Variants in CDK14 observed in about 807,000 individuals in gnomAD.
The protein encoded by CDK14 is cyclin dependent kinase 14, also known as cyclin-dependent kinase 14.
Under a neutral mutation model 60.7 loss-of-function variants are expected in CDK14, and 34 were observed. The observed-to-expected ratio is 0.56, with a 90% CI of 0.43 to 0.75. The LOEUF (loss-of-function observed/expected upper bound fraction) is 0.75. CDK14 is among the 30% of genes least tolerant of loss of function. CDK14 has a pLI of 0.00. For synonymous variants in CDK14, 197 were observed against 203.7 expected (o/e 0.97, Z 0.28); for missense variants, 482 against 564.1 (o/e 0.85, Z 1.47).
chr7:90,685,649 ATTTTTTTTTTTT>A (rs66912750), intron 2 of CDK14, among the ~76,000 whole-genome samples: 3 of 101,690 alleles, frequency 3.0e-5, no homozygotes, highest in Non-Finnish European at 5.7e-5. Flanking sequence ...CAGCCAATTA[ATTTTTTTTTTTT>A]TTTTTTTTTT....
Position 91,163,346 on chromosome 7 carries a change from G to T in CDK14, c.*29-43819G>T, listed in dbSNP as rs76209758. Among the ~76,000 whole-genome samples the T allele has an allele frequency of 4.3e-3, 654 of 152,284 alleles. 4 individuals are homozygous for T. Among genetic ancestry groups the T allele is most frequent in the African/African-American group, 0.015 (623 of 41,548 alleles). ...GTGACTAGGTCCTTTAGAATCCAGCGCAAGATTTGACAAAGCTGCTGACGG... is the reference window on the plus strand; with the variant it reads ...GTGACTAGGTCCTTTAGAATCCAGCTCAAGATTTGACAAAGCTGCTGACGG... On this transcript the variant is annotated intron_variant, in intron 14 of 14. Coordinates refer to ENST00000380050, the MANE Select transcript of CDK14 (RefSeq NM_001287135.2).
intron 6 of CDK14, among the ~76,000 whole-genome samples, chr7:90,884,661 A>C (rs1391673758): frequency 6.6e-6 from 1 of 152,198 alleles, no homozygotes; most frequent in South Asian, 2.1e-4. Flanking sequence ...AGCTGGAGGC[A>C]TCACGCTACC....
chr7:90,701,856 T>C (rs1801794297), intron 2 of CDK14, among the ~76,000 whole-genome samples: 1 of 152,230 alleles, frequency 6.6e-6, no homozygotes, highest in East Asian at 1.9e-4. Context: ...TGTCTGTCTC[T>C]ATGCTACCCT....
At chr7:90,664,503 G>A (rs62469270) in intron 2 of CDK14, among the ~76,000 whole-genome samples, 1,851 of 152,166 alleles carry the variant, frequency 0.012, 24 homozygotes, top group Non-Finnish European at 0.017. Context: ...TGTTTATAGC[G>A]GCACTATTCA....
At chr7:91,043,252 A>G (rs991073320) in intron 10 of CDK14, among the ~76,000 whole-genome samples, 1 of 152,254 alleles carries the variant, frequency 6.6e-6, no homozygotes, top group Non-Finnish European at 1.5e-5. Flanking sequence ...GGCAGCCAGG[A>G]AAACAATTGT....
chr7:91,157,452 G>A (rs1371958918), intron 14 of CDK14, among the ~76,000 whole-genome samples: 2 of 152,210 alleles, frequency 1.3e-5, no homozygotes, highest in Non-Finnish European at 2.9e-5. Flanking sequence ...GAATGATACT[G>A]CTAATCTTAC....
chr7:90,746,875 T>A (rs192365241), intron 3 of CDK14, among the ~76,000 whole-genome samples: 167 of 152,332 alleles, frequency 1.1e-3, no homozygotes, highest in African/African-American at 3.8e-3. Context: ...TTTGTATTAG[T>A]GATAGCTGAG....
intron 9 of CDK14, among the ~76,000 whole-genome samples, chr7:90,968,829 A>AAC (rs1159214356): frequency 1.3e-5 from 2 of 151,300 alleles, no homozygotes; most frequent in African/African-American, 4.9e-5. Context: ...ACAGAAAACA[A>AAC]AAAAAAAACA....
At chr7:90,809,044 C>G (rs1370699186) in intron 5 of CDK14, among the ~76,000 whole-genome samples, 2 of 152,156 alleles carry the variant, frequency 1.3e-5, no homozygotes, top group Admixed American at 1.3e-4. Context: ...ACCCCACTGT[C>G]AGCATTAGAC....
chr7:91,058,818 G>C (rs1797674896), intron 11 of CDK14, among the ~76,000 whole-genome samples: 1 of 152,190 alleles, frequency 6.6e-6, no homozygotes, highest in African/African-American at 2.4e-5. Context: ...GTATTTTATT[G>C]AGGATTTTTG....
At chr7:90,848,281 A>G (rs1790533930) in intron 5 of CDK14, among the ~76,000 whole-genome samples, 1 of 152,022 alleles carries the variant, frequency 6.6e-6, no homozygotes, top group South Asian at 2.1e-4. Context: ...TTTTTAGTAG[A>G]GGTGAGGTTT....
intron 2 of CDK14, among the ~76,000 whole-genome samples, chr7:90,653,120 A>G (rs1263014959): frequency 6.6e-6 from 1 of 151,902 alleles, no homozygotes; most frequent in Non-Finnish European, 1.5e-5. Context: ...GGTGTATATA[A>G]TTTTGGCTGT....
At chr7:90,928,073 T>C (rs924816211) in intron 8 of CDK14, among the ~76,000 whole-genome samples, 1 of 152,204 alleles carries the variant, frequency 6.6e-6, no homozygotes, top group African/African-American at 2.4e-5. Flanking sequence ...TCAGCTCATT[T>C]AAGGACTTCT....
chr7:91,206,822 A>G (rs1802916270), intron 14 of CDK14, among the ~76,000 whole-genome samples: 1 of 152,200 alleles, frequency 6.6e-6, no homozygotes, highest in Non-Finnish European at 1.5e-5. Context: ...GTATGATGCT[A>G]CAGGCACTTA....
chr7:90,870,845 T>G (rs931801317), intron 6 of CDK14, among the ~76,000 whole-genome samples: 7 of 152,228 alleles, frequency 4.6e-5, no homozygotes, highest in Non-Finnish European at 1.0e-4. Context: ...AAATAAATTT[T>G]TAGACATTAG....
intron 10 of CDK14, among the ~76,000 whole-genome samples, chr7:91,001,477 C>T (rs1162414601): frequency 6.6e-6 from 1 of 152,200 alleles, no homozygotes; most frequent in Non-Finnish European, 1.5e-5. Flanking sequence ...TGTGTTGCAG[C>T]TTAACCTGCT....
intron 11 of CDK14, among the ~76,000 whole-genome samples, chr7:91,065,413 A>C (rs1361723781): frequency 6.6e-6 from 1 of 152,252 alleles, no homozygotes; most frequent in Non-Finnish European, 1.5e-5. Flanking sequence ...ATTATTCTAA[A>C]ATGCCTGTTG....
At chr7:90,636,564 A>G (rs968353521) in intron 2 of CDK14, among the ~76,000 whole-genome samples, 1 of 151,792 alleles carries the variant, frequency 6.6e-6, no homozygotes, top group East Asian at 2.0e-4. Context: ...TTTTGCATCA[A>G]TGTTCATCAA....
At chr7:91,173,357 G>C (rs1801591434) in intron 14 of CDK14, among the ~76,000 whole-genome samples, 1 of 151,816 alleles carries the variant, frequency 6.6e-6, no homozygotes, top group Non-Finnish European at 1.5e-5. Flanking sequence ...TTCTAGGGAG[G>C]TTGGAGCAAT....
Sources: allele counts gnomAD v4.1 joint callset (sites outside exome capture counted in the v4.1 genomes callset), GRCh38; gene constraint gnomAD v4.1.1; transcripts MANE v1.5; gene names NCBI Gene and HGNC (gene_info 2026-07-23, HGNC 2026-07-21).